Variants in RANBP2 observed in about 807,000 individuals in gnomAD.
RANBP2 encodes the protein RAN binding protein 2.
RANBP2 carries 57 observed loss-of-function variants against 303.6 expected under a neutral mutation model. That is an observed-to-expected ratio of 0.19 (90% CI 0.15 to 0.23). The LOEUF (loss-of-function observed/expected upper bound fraction) is 0.23. Among genes scored for constraint, RANBP2 ranks in the 10% least tolerant of loss-of-function variants. RANBP2 has a pLI of 1.00. For synonymous variants in RANBP2, 1,167 were observed against 1,301.5 expected (o/e 0.90, Z 2.23); for missense variants, 3,138 against 3,780.8 (o/e 0.83, Z 4.46).
chr2:109,500,893 T>C, the RANBP2 span, among the ~76,000 whole-genome samples: 1 of 152,136 alleles, frequency 6.6e-6, no homozygotes, highest in Non-Finnish European at 1.5e-5. Flanking sequence ...AAGGCTTCGG[T>C]GAGCTAGGAT....
At chr2:108,916,673 G>C in the RANBP2 span, among the ~76,000 whole-genome samples, 20 of 152,308 alleles carry the variant, frequency 1.3e-4, no homozygotes, top group Non-Finnish European at 2.5e-4. Flanking sequence ...GTTGGTGAGA[G>C]AAATGCTTGC....
the RANBP2 span, among the ~76,000 whole-genome samples, chr2:109,291,165 G>A: frequency 1.3e-5 from 2 of 152,204 alleles, no homozygotes; most frequent in Non-Finnish European, 2.9e-5. Flanking sequence ...AACGTGGGGA[G>A]AGTGAGAGGG....
the RANBP2 span, chr2:108,798,285 C>T: frequency 2.8e-6 from 2 of 724,016 alleles, no homozygotes; most frequent in Admixed American, 2.8e-5. Context: ...CTATACTAGT[C>T]TAGCTACTGT....
At chr2:108,990,747 G>C in the RANBP2 span, among the ~76,000 whole-genome samples, 2 of 152,240 alleles carry the variant, frequency 1.3e-5, no homozygotes, top group Non-Finnish European at 2.9e-5. Flanking sequence ...GATTAATCTA[G>C]ATAATATAAG....
intron 1 of RANBP2, among the ~76,000 whole-genome samples, chr2:108,728,593 T>TGTA (rs2149095194): frequency 9.8e-6 from 1 of 102,490 alleles, no homozygotes; most frequent in African/African-American, 3.3e-5. Flanking sequence ...ACCCAGCTTA[T>TGTA]TTATGATGAT....
At chr2:109,449,169 G>A in the RANBP2 span, 1 of 1,612,998 alleles carries the variant, frequency 6.2e-7, no homozygotes, top group Admixed American at 1.7e-5. Flanking sequence ...CCCGTCTCCA[G>A]CTGCCCACTC....
At chr2:108,873,428 A>C in the RANBP2 span, 1 of 1,555,362 alleles carries the variant, frequency 6.4e-7, no homozygotes, top group South Asian at 1.3e-5. Flanking sequence ...CTAATAGTAA[A>C]GCACTGTTGA....
At chr2:109,189,877 A>G in the RANBP2 span, among the ~76,000 whole-genome samples, 1 of 152,158 alleles carries the variant, frequency 6.6e-6, no homozygotes, top group African/African-American at 2.4e-5. Context: ...AGTGGTTGGC[A>G]TAAGGTTGGA....
At chr2:109,061,822 A>G in the RANBP2 span, among the ~76,000 whole-genome samples, 1 of 151,994 alleles carries the variant, frequency 6.6e-6, no homozygotes, top group Non-Finnish European at 1.5e-5. Flanking sequence ...GGGCCCGTGG[A>G]CTTGTTTCCC....
the RANBP2 span, among the ~76,000 whole-genome samples, chr2:109,352,660 A>C: frequency 6.6e-6 from 1 of 152,160 alleles, no homozygotes; most frequent in Non-Finnish European, 1.5e-5. Flanking sequence ...AAGTTACCCG[A>C]GAAACTCAGG....
At chr2:109,494,393 C>T in the RANBP2 span, among the ~76,000 whole-genome samples, 1 of 152,116 alleles carries the variant, frequency 6.6e-6, no homozygotes, top group South Asian at 2.1e-4. Flanking sequence ...CAGAAGTGCC[C>T]CCTCCCCTCA....
chr2:109,519,645 G>A, the RANBP2 span, among the ~76,000 whole-genome samples: 1 of 152,162 alleles, frequency 6.6e-6, no homozygotes, highest in East Asian at 1.9e-4. Flanking sequence ...GAGCAGACAC[G>A]CATTAAAAAT....
chr2:109,328,704 G>A, the RANBP2 span, among the ~76,000 whole-genome samples: 1 of 152,104 alleles, frequency 6.6e-6, no homozygotes, highest in Admixed American at 6.5e-5. Flanking sequence ...TATGCTCCTG[G>A]TCATCACTGT....
At chr2:109,338,944 G>T in the RANBP2 span, among the ~76,000 whole-genome samples, 22 of 152,210 alleles carry the variant, frequency 1.4e-4, no homozygotes, top group African/African-American at 4.1e-4. Context: ...CACATATCTT[G>T]GGAGAACTAT....
chr2:109,097,350 CAAAACAAAA>C, the RANBP2 span, among the ~76,000 whole-genome samples: 1 of 150,574 alleles, frequency 6.6e-6, no homozygotes, highest in African/African-American at 2.5e-5. Context: ...CAAAACAAAA[CAAAACAAAA>C]CCTCTGATCC....
intron 15 of RANBP2, 133 bp from the exon 16 acceptor site, chr2:108,754,772 G>T: frequency 1.9e-6 from 2 of 1,072,066 alleles, no homozygotes; most frequent in Non-Finnish European, 2.5e-6. Flanking sequence ...ACACTTTCAC[G>T]TGTATTATTT....
At chr2:109,480,834 G>C in the RANBP2 span, among the ~76,000 whole-genome samples, 4 of 152,186 alleles carry the variant, frequency 2.6e-5, no homozygotes, top group African/African-American at 9.7e-5. Flanking sequence ...CTCATGGAGG[G>C]CGGTTCGCTG....
At chr2:109,448,438 T>C in the RANBP2 span, among the ~76,000 whole-genome samples, 1 of 152,098 alleles carries the variant, frequency 6.6e-6, no homozygotes, top group Non-Finnish European at 1.5e-5. Context: ...TTCATCTGTA[T>C]TTACAGCCCC....
chr2:108,873,738 G>A, the RANBP2 span: 9 of 546,404 alleles, frequency 1.6e-5, no homozygotes, highest in African/African-American at 3.8e-5. Context: ...TAACACTAAC[G>A]ATAGCTGATG....
Sources: allele counts gnomAD v4.1 joint callset (sites outside exome capture counted in the v4.1 genomes callset), GRCh38; gene constraint gnomAD v4.1.1; transcripts MANE v1.5; gene names NCBI Gene and HGNC (gene_info 2026-07-23, HGNC 2026-07-21).